Variants in TMEM62 observed in about 807,000 individuals in gnomAD.
TMEM62 encodes transmembrane protein 62.
TMEM62 carries 41 observed loss-of-function variants against 70.4 expected under a neutral mutation model. That is an observed-to-expected ratio of 0.58 (90% CI 0.45 to 0.76). The LOEUF (loss-of-function observed/expected upper bound fraction) is 0.76. TMEM62 is among the 30% of genes least tolerant of loss of function. TMEM62 has a pLI of 0.00. For synonymous variants in TMEM62, 268 were observed against 291.0 expected (o/e 0.92, Z 0.80); for missense variants, 688 against 788.5 (o/e 0.87, Z 1.53).
chr15:43,142,501 A>G (rs975060973), intron 4 of TMEM62, among the ~76,000 whole-genome samples: 28 of 151,690 alleles, frequency 1.8e-4, no homozygotes, highest in African/African-American at 6.5e-4. Flanking sequence ...TTGATGTAGC[A>G]AACTTCATGG....
In TMEM62 at chr15:43,154,843, A is replaced by G; in HGVS notation, c.1182+12A>G. 6.3e-7 allele frequency: 1 copy of G among 1,582,188 alleles called. No individual in the cohort carries two copies. Among genetic ancestry groups the G allele is most frequent in the Non-Finnish European group, 8.6e-7 (1 of 1,165,794 alleles). ...AAGTAATCGTCCAGGTAAGTTAGTA[A>G]TTTATATTTACTATGTAAATGATTA... On this transcript the variant is annotated intron_variant, in intron 9 of 13. Coordinates refer to ENST00000260403, the MANE Select transcript of TMEM62 (RefSeq NM_024956.4).
At chr15:43,150,676 A>T (rs2037254441) in intron 7 of TMEM62, among the ~76,000 whole-genome samples, 1 of 152,230 alleles carries the variant, frequency 6.6e-6, no homozygotes, top group African/African-American at 2.4e-5. Context: ...GGGATGAGTC[A>T]GTAATTCAGA....
intron 11 of TMEM62, 196 bp downstream of exon 11, chr15:43,169,873 G>T (rs1380617507): frequency 2.0e-6 from 1 of 508,162 alleles, no homozygotes; most frequent in Non-Finnish European, 3.5e-6. Flanking sequence ...TATGGAGGCA[G>T]GGGTTATAGG....
At position 43,184,374 on chromosome 15, in the gene TMEM62, C is replaced by T; in HGVS notation, c.1720C>T (p.Pro574Ser). 6.2e-7 allele frequency: 1 copy of T among 1,614,198 alleles called. No homozygotes were observed. Among genetic ancestry groups the T allele is most frequent in the Non-Finnish European group, 8.5e-7 (1 of 1,180,030 alleles). ...TCAAAGAAAATACTTGAAAATTATG[C>T]CTGTTCACCTACTTATGCTACTGCT... is the stretch of plus-strand genomic sequence containing the variant. ...LHQRKYLKIM[P>S]VHLLMLLLYI... Residue 574 changes from proline (P) to serine (S), a missense_variant, in exon 14 of 14, where the codon CCT (proline) becomes TCT (serine). Coordinates refer to ENST00000260403, the MANE Select transcript of TMEM62 (RefSeq NM_024956.4).
chr15:43,184,238 C>T, intron 13 of TMEM62, 22 bp from the exon 14 acceptor site: 1 of 1,596,596 alleles, frequency 6.3e-7, no homozygotes, highest in Non-Finnish European at 8.5e-7. Flanking sequence ...TGGGAGTAAG[C>T]TATGGTTCTG....
chr15:43,182,757 T>C (rs980598722), intron 13 of TMEM62, among the ~76,000 whole-genome samples: 2 of 152,192 alleles, frequency 1.3e-5, no homozygotes, highest in Non-Finnish European at 2.9e-5. Context: ...CCCAGCCTCA[T>C]TGCAGTTTTC....
chr15:43,178,053 C>T (rs1030452253), intron 11 of TMEM62, among the ~76,000 whole-genome samples: 29 of 150,640 alleles, frequency 1.9e-4, no homozygotes, highest in Non-Finnish European at 1.6e-4. Context: ...CATATTTGGA[C>T]AGATACTCAT....
rs994570461 is a variant in TMEM62 at position 43,172,820 on chromosome 15, T to C, written c.1381+3143T>C. Among the ~76,000 whole-genome samples the C allele has an allele frequency of 3.3e-5, 5 of 152,180 alleles. No homozygotes were observed. The East Asian group carries it at 7.7e-4, about 23-fold the overall frequency. On this transcript the variant is annotated intron_variant, in intron 11 of 13. Transcript: ENST00000260403. ...CTGATATTAAAAAAATAAAAACATA[T>C]AGACTATCAAAAATAAAGACCTTAC...
chr15:43,184,025 A>G, intron 13 of TMEM62: 3 of 578,250 alleles, frequency 5.2e-6, no homozygotes, highest in Non-Finnish European at 9.2e-6. Context: ...CTGTACTACA[A>G]GTTGGGACTT....
intron 10 of TMEM62, among the ~76,000 whole-genome samples, chr15:43,168,014 C>T (rs184082895): frequency 0.016 from 2,400 of 150,536 alleles, 76 homozygotes; most frequent in African/African-American, 0.058. Context: ...ATCGCAGGCA[C>T]TCGGCAGGCT....
intron 11 of TMEM62, among the ~76,000 whole-genome samples, chr15:43,176,054 C>T (rs558544114): frequency 2.6e-5 from 4 of 152,366 alleles, no homozygotes; most frequent in East Asian, 3.9e-4. Context: ...CTTGGAGGGT[C>T]CTACACCCAC....
chr15:43,133,916 C>G lies in TMEM62; in HGVS notation c.114C>G (p.Pro38=), dbSNP rs1481592651. 1.3e-6 allele frequency: 2 copies of G among 1,495,622 alleles called. No homozygotes were observed. Among genetic ancestry groups the G allele is most frequent in the South Asian group, 1.3e-5 (1 of 79,240 alleles). The allele number at this position is 1,495,622 out of a possible 1,614,324, so 92.6% of individuals were successfully genotyped here. Residue 38 remains proline (P), a synonymous_variant, in exon 1 of 14, where the codon CCC becomes CCG. Coordinates refer to ENST00000260403, the MANE Select transcript of TMEM62 (RefSeq NM_024956.4). ...LAGQPSPLPR[P]APPRRPHPAP... is the part of the protein sequence containing the mutation. ...GCCAGCCCTCGCCGCTGCCGCGCCC[C>G]GCGCCCCCCAGGAGGCCGCACCCTG...
intron 4 of TMEM62, among the ~76,000 whole-genome samples, chr15:43,144,783 TG>T (rs1277422393): frequency 1.3e-5 from 2 of 152,194 alleles, no homozygotes; most frequent in African/African-American, 4.8e-5. Flanking sequence ...GTATCTTTCA[TG>T]GTGACTGTGG....
intron 11 of TMEM62, among the ~76,000 whole-genome samples, chr15:43,171,929 A>G (rs2040244357): frequency 6.6e-6 from 1 of 152,160 alleles, no homozygotes; most frequent in Non-Finnish European, 1.5e-5. Flanking sequence ...GCCCAGCCTT[A>G]ATAAAAACTT....
chr15:43,146,317 T>C (rs1243798652), intron 4 of TMEM62, 176 bp from the exon 5 acceptor site: 1 of 562,488 alleles, frequency 1.8e-6, no homozygotes. Context: ...TTGGGGACAA[T>C]GGGAGAAAAA....
intron 11 of TMEM62, among the ~76,000 whole-genome samples, chr15:43,176,583 G>GGTATAACCTTTTTGAAGTTTGTACAT (rs2040778759): frequency 1.3e-5 from 2 of 152,130 alleles, no homozygotes; most frequent in Admixed American, 6.5e-5. Flanking sequence ...AGGGTCTGGA[G>GGTATAACCTTTTTGAAGTTTGTACAT]TGGACCTCTA....
At chr15:43,143,297 A>T (rs1038060055) in intron 4 of TMEM62, among the ~76,000 whole-genome samples, 5 of 152,132 alleles carry the variant, frequency 3.3e-5, no homozygotes, top group African/African-American at 9.7e-5. Flanking sequence ...CCTGACCTCA[A>T]GTGATCTGCC....
chr15:43,156,754 T>C (rs2038093253), intron 9 of TMEM62, among the ~76,000 whole-genome samples: 1 of 152,198 alleles, frequency 6.6e-6, no homozygotes, highest in Non-Finnish European at 1.5e-5. Flanking sequence ...AGGTATAATT[T>C]ATACATAATA....
rs773173632 is a variant in TMEM62, at chr15:43,138,659, AG to A, written c.476+41del. 3.4e-5 allele frequency: 51 copies of A among 1,478,720 alleles called. No individual in the cohort carries two copies. In the East Asian group the frequency reaches 6.8e-4, roughly 20 times the overall value. 91.6% of individuals were successfully genotyped at this position (1,478,720 alleles called of 1,614,324 possible). ...AGAAGACAGACCACTATGTAGAGTC[AG>A]TGTTATAAGGAGGGTGTGGTCAACT... is the stretch of plus-strand genomic sequence containing the variant. On this transcript the variant is annotated intron_variant, in intron 4 of 13. Transcript: ENST00000260403.
Sources: gnomAD v4.1 joint callset for allele counts (sites outside exome capture counted in the v4.1 genomes callset) on GRCh38, gnomAD v4.1.1 for gene constraint, MANE v1.5 for transcripts, NCBI Gene and HGNC (gene_info 2026-07-23, HGNC 2026-07-21) for gene names.